The following UBR2 variants were observed in gnomAD, a reference collection of about 807,000 sequenced individuals.
The protein encoded by UBR2 is E3 ubiquitin-protein ligase UBR2.
UBR2 carries 92 observed loss-of-function variants against 247.9 expected under a neutral mutation model. That is an observed-to-expected ratio of 0.37 (90% CI 0.31 to 0.44). UBR2 has a LOEUF of 0.44. Among genes scored for constraint, UBR2 ranks in the 20% least tolerant of loss-of-function variants. The probability of loss-of-function intolerance (pLI) is 1.00; values close to 1 mark genes in which losing one functional copy is unlikely to be tolerated. For synonymous variants in UBR2, 672 were observed against 693.5 expected, an observed-to-expected ratio of 0.97 and a Z score of 0.49; for missense variants, 1,613 against 2,112.6, an observed-to-expected ratio of 0.76 and a Z score of 4.64.
chr6:42,661,244 C>T lies in UBR2; in HGVS notation c.3443-940C>T, dbSNP rs188836710. On this transcript the variant is annotated intron_variant, in intron 30 of 46. Coordinates refer to ENST00000372901, the MANE Select transcript of UBR2 (RefSeq NM_001363705.2). ...CAGAGCTTGCAGTGAGTCGAGATCG[C>T]GCCACTGCACTCCAATCTGGGCGAC... is the stretch of plus-strand genomic sequence containing the variant. Among the ~76,000 whole-genome samples the T allele has an allele frequency of 6.4e-3, 964 of 151,770 alleles. 5 individuals are homozygous for T. The highest frequency in any genetic ancestry group is 0.011 in the Non-Finnish European group (738 of 67,956).
chr6:42,614,499 T>G (rs1321459963), intron 8 of UBR2, among the ~76,000 whole-genome samples: 1 of 150,224 alleles, frequency 6.7e-6, no homozygotes, highest in Non-Finnish European at 1.5e-5. Flanking sequence ...AATGCTTATA[T>G]TAATATTTGA....
intron 8 of UBR2, among the ~76,000 whole-genome samples, chr6:42,614,350 ATGTG>A (rs1290973315): frequency 4.8e-5 from 6 of 124,828 alleles, no homozygotes; most frequent in African/African-American, 1.5e-4. Context: ...GTGTGTATGT[ATGTG>A]TGTATATATG....
At chr6:42,677,459 G>GA (rs1002565104) in intron 40 of UBR2, among the ~76,000 whole-genome samples, 4 of 151,752 alleles carry the variant, frequency 2.6e-5, no homozygotes, top group South Asian at 2.1e-4. Context: ...TCAACATATA[G>GA]AAAAAAAACA....
At position 42,614,419 on chromosome 6, in the gene UBR2, C is replaced by CATACATACGTATATATGTAT. The variant is rs1562312183; in HGVS notation, c.986-652_986-651insATACATACGTATATATGTAT. Among the ~76,000 whole-genome samples the CATACATACGTATATATGTAT allele has an allele frequency of 1.1e-3, 31 of 29,348 alleles. 5 individuals are homozygous for CATACATACGTATATATGTAT. The highest frequency in any genetic ancestry group is 6.2e-3 in the Admixed American group (14 of 2,270). 19.3% of individuals were successfully genotyped at this position (29,348 alleles called of 152,430 possible). On this transcript the variant is annotated intron_variant, in intron 8 of 46. Transcript: ENST00000372901. ...ACATACATACGTATGTATGTACGTA[C>CATACATACGTATATATGTAT]GTACATATATATGTATGTACGTACA...
intron 36 of UBR2, among the ~76,000 whole-genome samples, chr6:42,671,618 A>G (rs1798448993): frequency 6.6e-6 from 1 of 152,066 alleles, no homozygotes; most frequent in Non-Finnish European, 1.5e-5. Flanking sequence ...TGAAACCTCT[A>G]CTTAATTGCT....
chr6:42,617,359 CT>C lies in UBR2; in HGVS notation c.1183-47del, dbSNP rs1794626249. 3 of 1,613,882 alleles carry C rather than the reference CT, an allele frequency of 1.9e-6. No homozygotes were observed. In the African/African-American group the frequency reaches 4.0e-5, roughly 22 times the overall value. On this transcript the variant is annotated intron_variant, in intron 10 of 46. Transcript: ENST00000372901. The stretch of plus-strand genomic sequence containing the variant: ...CTCTGGTGAGTAGTGCTTGCCTTTT[CT>C]TTGTAACTGATAGCTGGCACTCCTT...
At chr6:42,582,007 G>A (rs1435966586) in intron 2 of UBR2, among the ~76,000 whole-genome samples, 3 of 152,034 alleles carry the variant, frequency 2.0e-5, no homozygotes, top group Admixed American at 2.0e-4. Context: ...TTAAGGGCTG[G>A]GTGCGGTGGC....
At chr6:42,614,330 A>ATATGTG (rs1554250286) in intron 8 of UBR2, among the ~76,000 whole-genome samples, 6 of 139,704 alleles carry the variant, frequency 4.3e-5, no homozygotes, top group East Asian at 2.1e-4. Flanking sequence ...ATATATGTGT[A>ATATGTG]TATGTGTATG....
intron 1 of UBR2, among the ~76,000 whole-genome samples, chr6:42,568,580 A>G (rs1242741591): frequency 6.6e-6 from 1 of 151,994 alleles, no homozygotes; most frequent in Non-Finnish European, 1.5e-5. Context: ...AATACAAAAA[A>G]TTAGCCGGGC....
At position 42,589,182 on chromosome 6, in the gene UBR2, A is replaced by G. The variant is rs75604741; in HGVS notation, c.339-2969A>G. Among the ~76,000 whole-genome samples the G allele has an allele frequency of 7.8e-3, 1,180 of 152,104 alleles. 13 individuals carry two copies. Among genetic ancestry groups the G allele is most frequent in the African/African-American group, 0.028 (1,144 of 41,472 alleles). ...GATGGAGTCTTAGTTTGTTGCCCCA[A>G]CTGGTCTAACTCCTGGCTTCAAGCG... On this transcript the variant is annotated intron_variant, in intron 2 of 46. Transcript: ENST00000372901.
At chr6:42,655,401 C>G (rs573962847) in intron 25 of UBR2, among the ~76,000 whole-genome samples, 1 of 150,052 alleles carries the variant, frequency 6.7e-6, no homozygotes, top group Admixed American at 6.7e-5. Flanking sequence ...TCACTTGAAC[C>G]TGGGAGGCAG....
intron 11 of UBR2, chr6:42,619,447 A>ATG (rs1262227969): frequency 3.4e-5 from 1 of 29,622 alleles, no homozygotes; most frequent in African/African-American, 1.0e-4. Context: ...ATATATATAT[A>ATG]TATATATTTT....
At chr6:42,614,439 C>CGTACATACATACGTATATATGTATCTAT (rs1562312402) in intron 8 of UBR2, among the ~76,000 whole-genome samples, 1 of 91,996 alleles carries the variant, frequency 1.1e-5, no homozygotes, top group Non-Finnish European at 2.3e-5. Context: ...TATGTATGTA[C>CGTACATACATACGTATATATGTATCTAT]GTACATATAT....
intron 34 of UBR2, among the ~76,000 whole-genome samples, chr6:42,666,552 A>G (rs1798116376): frequency 6.6e-6 from 1 of 152,150 alleles, no homozygotes; most frequent in Admixed American, 6.5e-5. Flanking sequence ...ACATTAAAAA[A>G]ATCTAAGAAC....
rs187243281 is a variant in UBR2 at position 42,574,737 on chromosome 6, C to G, written c.338+744C>G. On this transcript the variant is annotated intron_variant, in intron 2 of 46. Coordinates refer to ENST00000372901, the MANE Select transcript of UBR2 (RefSeq NM_001363705.2). ...CTGAGATGGAGTCTTGCCCTGTCAC[C>G]CAGGCTGGAGTGCAGTGGCGCGATC... Among the ~76,000 whole-genome samples, 851 of 151,756 alleles carry G rather than the reference C, an allele frequency of 5.6e-3. 10 individuals are homozygous for G. Among genetic ancestry groups the G allele is most frequent in the African/African-American group, 0.02 (809 of 41,352 alleles).
At chr6:42,688,629 A>C (rs1799581949) in intron 45 of UBR2, among the ~76,000 whole-genome samples, 1 of 152,124 alleles carries the variant, frequency 6.6e-6, no homozygotes, top group Non-Finnish European at 1.5e-5. Flanking sequence ...GTTCTGTTCT[A>C]CTTTCTCCAT....
intron 32 of UBR2, 25 bp from the exon 33 acceptor site, chr6:42,665,384 A>G (rs1798047849): frequency 6.5e-7 from 1 of 1,541,030 alleles, no homozygotes; most frequent in Non-Finnish European, 8.9e-7. Context: ...ATAAAACACT[A>G]AATACTCTCT....
chr6:42,586,614 T>G (rs991989520), intron 2 of UBR2, among the ~76,000 whole-genome samples: 1 of 149,538 alleles, frequency 6.7e-6, no homozygotes, highest in Non-Finnish European at 1.5e-5. Flanking sequence ...TAATTAGAAT[T>G]GTAGCATTTC....
At chr6:42,646,464 C>G (rs1796757223) in intron 21 of UBR2, among the ~76,000 whole-genome samples, 1 of 152,190 alleles carries the variant, frequency 6.6e-6, no homozygotes, top group African/African-American at 2.4e-5. Context: ...CTGTGCCCCA[C>G]TGTATTATTT....
Sources: allele counts gnomAD v4.1 joint callset (sites outside exome capture counted in the v4.1 genomes callset), GRCh38; gene constraint gnomAD v4.1.1; transcripts MANE v1.5; gene names NCBI Gene and HGNC (gene_info 2026-07-23, HGNC 2026-07-21).